The following TTF1 variants were observed in gnomAD, a reference collection of about 807,000 sequenced individuals.
TTF1 encodes the protein transcription termination factor 1, also known as transcription termination factor, RNA polymerase I.
TTF1 carries 64 observed loss-of-function variants against 80.2 expected under a neutral mutation model. The observed-to-expected ratio is 0.80, with a 90% confidence interval of 0.65 to 0.98. TTF1 has a LOEUF of 0.98. Among genes scored for constraint, TTF1 ranks in the 50% least tolerant of loss-of-function variants. The pLI is 0.00. For synonymous variants in TTF1, 372 were observed against 382.7 expected (o/e 0.97, Z 0.33); for missense variants, 1,023 against 1,086.2 (o/e 0.94, Z 0.82).
At chr9:132,406,622 C>A (rs78224148) in intron 1 of TTF1, among the ~76,000 whole-genome samples, 168 bp downstream of exon 1, 1 of 130,274 alleles carries the variant, frequency 7.7e-6, no homozygotes, top group African/African-American at 2.9e-5. Flanking sequence ...AAAAAAAAAA[C>A]ACCCAAGCCT....
chr9:132,399,696 A>G, intron 3 of TTF1, among the ~76,000 whole-genome samples: 1 of 152,172 alleles, frequency 6.6e-6, no homozygotes, highest in South Asian at 2.1e-4. Flanking sequence ...GTTGATTTTA[A>G]TTTGACAGCA....
At chr9:132,379,533 AAGG>A (rs1306772789) in intron 9 of TTF1, among the ~76,000 whole-genome samples, 1 of 152,162 alleles carries the variant, frequency 6.6e-6, no homozygotes, top group Non-Finnish European at 1.5e-5. Flanking sequence ...ACGACAACTC[AAGG>A]AGGGAGTTAC....
rs185765738 is a variant in TTF1, at chr9:132,388,366, T to C, written c.2223-138A>G. 789 of 515,684 alleles carry C rather than the reference T, an allele frequency of 1.5e-3. 8 individuals are homozygous for C. The highest frequency in any genetic ancestry group is 0.014 in the African/African-American group (733 of 51,236). The allele number at this position is 515,684 out of a possible 1,614,324, so 31.9% of individuals were successfully genotyped here. ...TCTTTTTTTTTTTTGAGACGGGGTCTCACTTTGTCACCCAGGCTGGAGTGC... is the reference window on the plus strand; with the variant it reads ...TCTTTTTTTTTTTTGAGACGGGGTCCCACTTTGTCACCCAGGCTGGAGTGC... On this transcript the variant is annotated intron_variant, in intron 7 of 10. Coordinates refer to ENST00000334270, the MANE Select transcript of TTF1 (RefSeq NM_007344.4).
intron 3 of TTF1, 118 bp downstream of exon 3, chr9:132,399,917 G>T: frequency 1.9e-6 from 2 of 1,077,468 alleles, no homozygotes; most frequent in Non-Finnish European, 2.7e-6. Context: ...AGATAGAGGT[G>T]AAGGAGGAGA....
intron 10 of TTF1, among the ~76,000 whole-genome samples, chr9:132,377,114 G>A (rs1360497009): frequency 6.6e-6 from 1 of 152,194 alleles, no homozygotes; most frequent in African/African-American, 2.4e-5. Context: ...GTATGCTTCT[G>A]TGTATGTGTG....
At position 132,402,117 on chromosome 9, in the gene TTF1, G is replaced by A; in HGVS notation, c.705C>T (p.Ala235=). The change falls in exon 2 of 11, where the codon GCC becomes GCT. Residue 235 remains alanine, a synonymous_variant. Coordinates refer to ENST00000334270, the MANE Select transcript of TTF1 (RefSeq NM_007344.4). The part of the protein sequence containing the change: ...KSSNREYETL[A]MPEGSQAGRE... ...TGCCTGCTTGCGATCCTTCAGGCAT[G>A]GCCAGTGTCTCATATTCCCGGTTAC... 1.2e-6 allele frequency: 2 copies of A among 1,614,030 alleles called. No individual in the cohort carries two copies. Among genetic ancestry groups the A allele is most frequent in the East Asian group, 2.2e-5 (1 of 44,876 alleles).
intron 9 of TTF1, 59 bp from the exon 10 acceptor site, chr9:132,379,203 TAC>T (rs1181286804): frequency 7.9e-7 from 1 of 1,262,820 alleles, no homozygotes; most frequent in African/African-American, 1.5e-5. Context: ...ATCATTTCAA[TAC>T]AGTGTAGTAA....
chr9:132,406,039 G>A (rs1849859981), intron 1 of TTF1, among the ~76,000 whole-genome samples: 1 of 152,110 alleles, frequency 6.6e-6, no homozygotes. Flanking sequence ...TAATATGATC[G>A]GCTTCTTGAG....
intron 5 of TTF1, among the ~76,000 whole-genome samples, chr9:132,393,616 G>C (rs1479385716): frequency 1.3e-5 from 2 of 152,186 alleles, no homozygotes; most frequent in Non-Finnish European, 2.9e-5. Context: ...GTAAATCTCT[G>C]TTCGGGGCTC....
In TTF1 at chr9:132,396,285, C is replaced by T; in HGVS notation, c.1856+148G>A. On this transcript the variant is annotated intron_variant, in intron 5 of 10. Coordinates refer to ENST00000334270, the MANE Select transcript of TTF1 (RefSeq NM_007344.4). ...GGGGATGGAAAAGGCCATGAAGACA[C>T]ACATTTGACAACAAATACACCACCT... 7.8e-6 allele frequency: 6 copies of T among 771,610 alleles called. 1 individual carries two copies. In the South Asian group the frequency reaches 1.0e-4, roughly 13 times the overall value. The allele number at this position is 771,610 out of a possible 1,614,324, so 47.8% of individuals were successfully genotyped here.
At chr9:132,388,487 C>T (rs949714408) in intron 7 of TTF1, among the ~76,000 whole-genome samples, 4 of 151,992 alleles carry the variant, frequency 2.6e-5, no homozygotes, top group Non-Finnish European at 4.4e-5. Flanking sequence ...CTTACAGGTG[C>T]GCACCACCAC....
Position 132,390,667 on chromosome 9 carries a change from T to G in TTF1, c.2152A>C (p.Lys718Gln). 1 of 1,614,234 alleles carries G rather than the reference T, an allele frequency of 6.2e-7. No individual in the cohort carries two copies. Among genetic ancestry groups the G allele is most frequent in the Non-Finnish European group, 8.5e-7 (1 of 1,180,048 alleles). ...CLSIVREKLYKGISWVEVEAK... is the reference protein window; with the variant it reads ...CLSIVREKLYQGISWVEVEAK... ...TCTACTTCTACCCAAGATATGCCCTTGTAGAGTTTTTCCCGAACAATTGAT... is the reference window on the plus strand; with the variant it reads ...TCTACTTCTACCCAAGATATGCCCTGGTAGAGTTTTTCCCGAACAATTGAT... Residue 718 changes from lysine (K) to glutamine (Q), a missense_variant, in exon 7 of 11, where the codon AAG becomes CAG. Coordinates refer to ENST00000334270, the MANE Select transcript of TTF1 (RefSeq NM_007344.4).
Position 132,402,087 on chromosome 9 carries a change from C to A in TTF1, c.735G>T (p.Glu245Asp), listed in dbSNP as rs142692524. The change falls in exon 2 of 11, where the codon GAG (glutamate) becomes GAT (aspartate). Residue 245 changes from glutamate to aspartate, a missense_variant. Physicochemically the swap from Glu to Asp is conservative, Grantham distance 45. Transcript: ENST00000334270. ...GGGATTCCTGCATATCAGTCCCGGCCTCTCTGCCTGCTTGCGATCCTTCAG... is the reference window on the plus strand; with the variant it reads ...GGGATTCCTGCATATCAGTCCCGGCATCTCTGCCTGCTTGCGATCCTTCAG... ...AMPEGSQAGR[E>D]AGTDMQESQP... is the part of the protein sequence containing the mutation. The A allele has an allele frequency of 5.8e-4, 929 of 1,614,090 alleles. 2 individuals carry two copies. The African/African-American group carries it at 0.011, about 20-fold the overall frequency.
chr9:132,399,986 A>T, intron 3 of TTF1, 49 bp downstream of exon 3: 2 of 1,585,396 alleles, frequency 1.3e-6, no homozygotes, highest in Non-Finnish European at 1.7e-6. Context: ...GTTAGGTGCT[A>T]GCTCTGCATA....
In TTF1 at chr9:132,406,831, T is replaced by C. The variant is rs1212017118; in HGVS notation, c.-49A>G. The C allele has an allele frequency of 6.6e-6, 1 of 152,218 alleles. No individual in the cohort carries two copies. Among genetic ancestry groups the C allele is most frequent in the Admixed American group, 6.5e-5 (1 of 15,284 alleles). The allele number at this position is 152,218 out of a possible 1,614,324, so 9.4% of individuals were successfully genotyped here. On this transcript the variant is annotated 5_prime_UTR_variant, in exon 1 of 11. Coordinates refer to ENST00000334270, the MANE Select transcript of TTF1 (RefSeq NM_007344.4). ...CACCTTTCTCCCAACCCGGAAGTGC[T>C]GCTGTTGAGGAAGCGGAAGTAGTAG...
intron 9 of TTF1, among the ~76,000 whole-genome samples, chr9:132,379,968 T>C (rs1589815765): frequency 1.3e-5 from 2 of 152,228 alleles, no homozygotes; most frequent in East Asian, 3.8e-4. Context: ...CTGCTAAGTA[T>C]GTAGAGGTAA....
At chr9:132,380,504 T>G (rs997116857) in intron 9 of TTF1, among the ~76,000 whole-genome samples, 2 of 152,218 alleles carry the variant, frequency 1.3e-5, no homozygotes, top group Admixed American at 1.3e-4. Context: ...CTATGCCAAA[T>G]CTGTCTCACT....
chr9:132,401,809 T>C lies in TTF1; in HGVS notation c.1013A>G (p.Lys338Arg). Reference protein sequence around the residue: ...YKNKSKKKKKKSNHQEFEAVA... With the variant: ...YKNKSKKKKKRSNHQEFEAVA... Reference sequence around the variant, plus strand: ...TGCCTCAAATTCCTGGTGATTGGACTTTTTCTTTTTTTTCTTAGACTTGTT... The same window carrying C: ...TGCCTCAAATTCCTGGTGATTGGACCTTTTCTTTTTTTTCTTAGACTTGTT... Residue 338 changes from lysine (K) to arginine (R), a missense_variant, in exon 2 of 11, where the codon AAG becomes AGG. By Grantham distance (26) the Lys-to-Arg change is conservative. Coordinates refer to ENST00000334270, the MANE Select transcript of TTF1 (RefSeq NM_007344.4). 6.2e-7 allele frequency: 1 copy of C among 1,614,076 alleles called. No homozygotes were observed. The highest frequency in any genetic ancestry group is 8.5e-7 in the Non-Finnish European group (1 of 1,180,008).
chr9:132,400,239 C>T lies in TTF1; in HGVS notation c.1387G>A (p.Glu463Lys). The change falls in exon 3 of 11, where the codon GAA becomes AAA. Residue 463 changes from glutamate (E) to lysine (K), a missense_variant. Coordinates refer to ENST00000334270, the MANE Select transcript of TTF1 (RefSeq NM_007344.4). ...EAPRLEPANE[E>K]HNVETAEDSE... is the part of the protein sequence containing the mutation. The stretch of plus-strand genomic sequence containing the variant: ...TCTTCAGCTGTTTCCACATTGTGTT[C>T]TTCATTTGCAGGTTCTAACCTAAGG... The T allele has an allele frequency of 6.2e-7, 1 of 1,614,148 alleles. No homozygotes were observed. Among genetic ancestry groups the T allele is most frequent in the African/African-American group, 1.3e-5 (1 of 75,040 alleles).
Sources: gnomAD v4.1 joint callset for allele counts (sites outside exome capture counted in the v4.1 genomes callset) on GRCh38, gnomAD v4.1.1 for gene constraint, MANE v1.5 for transcripts, NCBI Gene and HGNC (gene_info 2026-07-23, HGNC 2026-07-21) for gene names.